Variants in ELAVL3 observed in about 807,000 individuals in gnomAD.
ELAVL3 encodes the protein ELAV-like protein 3.
A neutral mutation model predicts 34.2 loss-of-function variants in ELAVL3; 8 were observed. The ratio of observed to expected loss-of-function variants is 0.23; its 90% CI spans 0.14 to 0.42. ELAVL3 has a LOEUF of 0.42. ELAVL3 is among the 10% of genes least tolerant of loss of function. ELAVL3 has a pLI of 1.00. For missense variants in ELAVL3, 273 were observed against 518.8 expected (o/e 0.53, Z 4.60); for synonymous variants, 209 against 222.1 (o/e 0.94, Z 0.53).
chr19:11,458,199 A>G lies in ELAVL3; in HGVS notation c.575T>C (p.Leu192Pro). Residue 192 changes from leucine to proline, a missense_variant, in exon 5 of 7, where the codon CTG becomes CCG. By Grantham distance (98) the Leu-to-Pro change is moderately conservative (BLOSUM62 -3). Coordinates refer to ENST00000359227, the MANE Select transcript of ELAVL3 (RefSeq NM_001420.4). The surrounding 1 kb of genome is among the most constrained non-coding windows in gnomAD (Gnocchi z 7.3). ...GACTGTGATGGGCTCAGCTGCGCCC[A>G]GCGGCTTCTGCCCATTCAGTCCTTT... The part of the protein sequence containing the change: ...AIKGLNGQKP[L>P]GAAEPITVKF... 2 of 1,614,102 alleles carry G rather than the reference A, an allele frequency of 1.2e-6. No homozygotes were observed. The highest frequency in any genetic ancestry group is 1.7e-6 in the Non-Finnish European group (2 of 1,180,012).
intron 1 of ELAVL3, among the ~76,000 whole-genome samples, chr19:11,468,685 C>T (rs1971104562): frequency 6.6e-6 from 1 of 152,126 alleles, no homozygotes; most frequent in Admixed American, 6.6e-5. Context: ...TTCAGCCTGC[C>T]AAAGTGCTGG....
intron 1 of ELAVL3, among the ~76,000 whole-genome samples, chr19:11,478,632 CCT>C (rs1391062373): frequency 6.6e-6 from 1 of 152,126 alleles, no homozygotes; most frequent in Non-Finnish European, 1.5e-5. Context: ...CCTCTTTCTT[CCT>C]CTGTTTCCCT....
intron 3 of ELAVL3, among the ~76,000 whole-genome samples, chr19:11,459,455 G>T (rs1374148135): frequency 6.6e-6 from 1 of 151,340 alleles, no homozygotes; most frequent in East Asian, 1.9e-4. Context: ...TTTTAGCAGA[G>T]ACAGGGTTTC....
chr19:11,468,169 C>A (rs1175072504), intron 1 of ELAVL3, among the ~76,000 whole-genome samples: 1 of 152,128 alleles, frequency 6.6e-6, no homozygotes, highest in Admixed American at 6.6e-5. Context: ...AATTCCTATC[C>A]CAAATGTGCT....
At chr19:11,467,352 G>A (rs908508259) in intron 1 of ELAVL3, among the ~76,000 whole-genome samples, 1 of 151,982 alleles carries the variant, frequency 6.6e-6, no homozygotes, top group African/African-American at 2.4e-5. Context: ...AACCCGGGAG[G>A]CGGAGGTTGT....
chr19:11,468,085 T>C (rs1971092163), intron 1 of ELAVL3, among the ~76,000 whole-genome samples: 1 of 152,134 alleles, frequency 6.6e-6, no homozygotes, highest in South Asian at 2.1e-4. Context: ...CTACTATGCC[T>C]GGCCCTTTTA....
At chr19:11,479,135 G>C (rs576630608) in intron 1 of ELAVL3, among the ~76,000 whole-genome samples, 1 of 152,288 alleles carries the variant, frequency 6.6e-6, no homozygotes, top group South Asian at 2.1e-4. Flanking sequence ...GAACCGATCA[G>C]AGGACGCTTA....
At chr19:11,473,092 G>A (rs1428176376) in intron 1 of ELAVL3, among the ~76,000 whole-genome samples, 2 of 149,252 alleles carry the variant, frequency 1.3e-5, no homozygotes, top group African/African-American at 4.9e-5. Flanking sequence ...GAGGCAGGGC[G>A]CGGTGGCTCA....
intron 1 of ELAVL3, among the ~76,000 whole-genome samples, chr19:11,477,785 C>T (rs530240843): frequency 4.6e-5 from 7 of 151,844 alleles, no homozygotes; most frequent in East Asian, 1.9e-4. Context: ...CTCTGCCTCC[C>T]GGGTTCAGGC....
intron 3 of ELAVL3, among the ~76,000 whole-genome samples, chr19:11,463,412 G>A (rs1199034093): frequency 6.6e-6 from 1 of 152,154 alleles, no homozygotes; most frequent in Non-Finnish European, 1.5e-5. Context: ...CCAGCCAGAG[G>A]GTGACACAGG....
chr19:11,479,602 C>A (rs1348212201), intron 1 of ELAVL3, among the ~76,000 whole-genome samples: 1 of 151,496 alleles, frequency 6.6e-6, no homozygotes, highest in Non-Finnish European at 1.5e-5. Flanking sequence ...GCCCGGGCTG[C>A]CGAGTGGGAA....
intron 3 of ELAVL3, among the ~76,000 whole-genome samples, chr19:11,460,335 C>T (rs1415871963): frequency 6.6e-6 from 1 of 150,886 alleles, no homozygotes; most frequent in Non-Finnish European, 1.5e-5. Context: ...CACCCTGGCC[C>T]CCCCTGCTCC....
At chr19:11,457,518 C>T (rs1388296071) in intron 5 of ELAVL3, among the ~76,000 whole-genome samples, 1 of 152,214 alleles carries the variant, frequency 6.6e-6, no homozygotes, top group Non-Finnish European at 1.5e-5. Context: ...TAACTTGCCC[C>T]GGCCACCCGG....
In ELAVL3 at chr19:11,454,825, C is replaced by A; in HGVS notation, c.805G>T (p.Gly269Cys). Residue 269 changes from glycine (G) to cysteine (C), a missense_variant, in exon 7 of 7, where the codon GGC (glycine) becomes TGC (cysteine). Physicochemically the swap from Gly to Cys is radical, Grantham distance 159 (BLOSUM62 -3). Coordinates refer to ENST00000359227, the MANE Select transcript of ELAVL3 (RefSeq NM_001420.4). This position sits in a 1 kb window ranked among gnomAD's most constrained non-coding sequence, Gnocchi z 9.2. ...FSPIAIDGMSGLAGVGLSGGA... is the reference protein window; with the variant it reads ...FSPIAIDGMSCLAGVGLSGGA... ...CCCGACAGGCCCACGCCCGCCAGGC[C>A]GCTCATACCATCGATGGCGATCGGC... 1 of 1,609,802 alleles carries A rather than the reference C, an allele frequency of 6.2e-7. No homozygotes were observed. The highest frequency in any genetic ancestry group is 1.7e-5 in the Admixed American group (1 of 59,916).
At position 11,466,790 on chromosome 19, in the gene ELAVL3, C is replaced by G. The variant is rs1434993506; in HGVS notation, c.47G>C (p.Gly16Ala). The G allele has an allele frequency of 6.3e-7, 1 of 1,589,110 alleles. No individual in the cohort carries two copies. The highest frequency in any genetic ancestry group is 1.7e-5 in the Admixed American group (1 of 57,352). The change falls in exon 2 of 7, where the codon GGC (glycine) becomes GCC (alanine). Residue 16 changes from glycine to alanine, a missense_variant. Gly to Ala is a moderately conservative substitution (Grantham distance 60). Coordinates refer to ENST00000359227, the MANE Select transcript of ELAVL3 (RefSeq NM_001420.4). This position sits in a 1 kb window ranked among gnomAD's most constrained non-coding sequence, Gnocchi z 5.0. The part of the protein sequence containing the change: ...LGAMESQVGG[G>A]PAGPALPNGP... ...GTTGGGCAGGGCCGGGCCGGCCGGG[C>G]CCCCCCCCACCTGAGACTCCATGGC...
At chr19:11,473,161 C>G (rs573968478) in intron 1 of ELAVL3, among the ~76,000 whole-genome samples, 1 of 151,674 alleles carries the variant, frequency 6.6e-6, no homozygotes, top group Non-Finnish European at 1.5e-5. Context: ...ATCAGGAGAT[C>G]GAGACCATCC....
chr19:11,471,585 C>T (rs1328411649), intron 1 of ELAVL3, among the ~76,000 whole-genome samples: 1 of 151,984 alleles, frequency 6.6e-6, no homozygotes, highest in Admixed American at 6.6e-5. Context: ...TGCACTCCAG[C>T]CTGGGCGACA....
At chr19:11,472,281 G>A (rs1290211046) in intron 1 of ELAVL3, among the ~76,000 whole-genome samples, 1 of 152,210 alleles carries the variant, frequency 6.6e-6, no homozygotes, top group Non-Finnish European at 1.5e-5. Flanking sequence ...AGGAGGCGGA[G>A]GTTGCAGTGA....
intron 1 of ELAVL3, among the ~76,000 whole-genome samples, chr19:11,475,222 C>A (rs573798589): frequency 2.0e-5 from 3 of 152,296 alleles, no homozygotes; most frequent in African/African-American, 7.2e-5. Context: ...AGTTACTCTC[C>A]CAACAATCTT....
Sources: allele counts gnomAD v4.1 joint callset (sites outside exome capture counted in the v4.1 genomes callset), GRCh38; gene constraint gnomAD v4.1.1; non-coding constraint Gnocchi (gnomAD v3.1); transcripts MANE v1.5; gene names NCBI Gene and HGNC (gene_info 2026-07-23, HGNC 2026-07-21).